The following STARD9 variants were observed in gnomAD, a reference collection of about 807,000 sequenced individuals.
The protein encoded by STARD9 is stAR-related lipid transfer protein 9.
STARD9 carries 346 observed loss-of-function variants against 399.8 expected under a neutral mutation model. The ratio of observed to expected loss-of-function variants is 0.87; its 90% CI spans 0.79 to 0.95. The LOEUF (loss-of-function observed/expected upper bound fraction) is 0.95. Among genes scored for constraint, STARD9 ranks in the 40% least tolerant of loss-of-function variants. STARD9 has a pLI of 0.00. For synonymous variants in STARD9, 2,203 were observed against 2,143.5 expected (o/e 1.03, Z -0.77); for missense variants, 5,832 against 5,667.5 (o/e 1.03, Z -0.93).
At chr15:42,715,617 C>T (rs1358712038) in intron 26 of STARD9, among the ~76,000 whole-genome samples, 1 of 151,388 alleles carries the variant, frequency 6.6e-6, no homozygotes, top group Admixed American at 6.6e-5. Context: ...GCGTCCTGGG[C>T]TCAAGCGATT....
At chr15:42,587,064 C>T (rs1354759489) in intron 3 of STARD9, among the ~76,000 whole-genome samples, 1 of 152,064 alleles carries the variant, frequency 6.6e-6, no homozygotes, top group Non-Finnish European at 1.5e-5. Context: ...TCATGTTGCC[C>T]AGGCTGGTCT....
chr15:42,598,566 C>T (rs1263937004), intron 3 of STARD9, among the ~76,000 whole-genome samples: 3 of 151,842 alleles, frequency 2.0e-5, no homozygotes, highest in Admixed American at 6.6e-5. Flanking sequence ...GATAACTATC[C>T]AGTTGTCTGA....
At position 42,685,749 on chromosome 15, in the gene STARD9, G is replaced by A. The variant is rs1235138729; in HGVS notation, c.4171G>A (p.Val1391Ile). 2.0e-6 allele frequency: 3 copies of A among 1,537,272 alleles called. No individual in the cohort carries two copies. The African/African-American group carries it at 4.1e-5, about 21-fold the overall frequency. The change falls in exon 23 of 33, where the codon GTT becomes ATT. Residue 1391 changes from valine (V) to isoleucine (I), a missense_variant. Val to Ile is a conservative substitution (Grantham distance 29). Around this residue, in one of 2 missense-constraint regions of STARD9, gnomAD observed 5,828 missense variants for 5,651.1 expected, o/e 1.03. Transcript: ENST00000290607. ...ACTAAAGCCATCAGATGCAGAAACG[G>A]TTCTGCCATATAGCTCCAAACTGCA... ...EELKPSDAET[V>I]LPYSSKLHQG... is the part of the protein sequence containing the mutation.
intron 3 of STARD9, among the ~76,000 whole-genome samples, chr15:42,610,111 A>T (rs2058818464): frequency 6.6e-6 from 1 of 152,176 alleles, no homozygotes; most frequent in Non-Finnish European, 1.5e-5. Flanking sequence ...AAAATAAAAA[A>T]TAAAGAAATG....
Position 42,690,692 on chromosome 15 carries a change from G to A in STARD9, c.9114G>A (p.Glu3038=), listed in dbSNP as rs1566944876. 6.5e-7 allele frequency: 1 copy of A among 1,537,088 alleles called. No individual in the cohort carries two copies. The highest frequency in any genetic ancestry group is 1.4e-5 in the African/African-American group (1 of 73,030). The change falls in exon 23 of 33, where the codon GAG becomes GAA. Residue 3038 remains glutamate, a synonymous_variant. Transcript: ENST00000290607. ...TTAACAGGGAATTTAGGCTAACAGA[G>A]AGCAGCACTTGTGAGCCTTCTACTG... is the stretch of plus-strand genomic sequence containing the variant. The part of the protein sequence containing the change: ...KDVNREFRLT[E]SSTCEPSTVA...
At chr15:42,628,358 A>G (rs1363767812) in intron 3 of STARD9, among the ~76,000 whole-genome samples, 1 of 152,176 alleles carries the variant, frequency 6.6e-6, no homozygotes, top group East Asian at 1.9e-4. Context: ...GTTTGCAGAT[A>G]TATTCGCCTG....
At position 42,712,111 on chromosome 15, in the gene STARD9, A is replaced by ATTAT. The variant is rs55808206; in HGVS notation, c.13285-4566_13285-4565insTTAT. 6.9e-3 allele frequency among the ~76,000 whole-genome samples: 22 copies of ATTAT among 3,180 alleles called. 6 individuals carry two copies. Among genetic ancestry groups the ATTAT allele is most frequent in the African/African-American group, 0.036 (19 of 526 alleles). The allele number at this position is 3,180 out of a possible 152,430, so 2.1% of individuals were successfully genotyped here. On this transcript the variant is annotated intron_variant, in intron 26 of 32. Coordinates refer to ENST00000290607, the MANE Select transcript of STARD9 (RefSeq NM_020759.3). The stretch of plus-strand genomic sequence containing the variant: ...TATATATATATAATATATAATATAT[A>ATTAT]ATATATAATATATATATAAATGTGC...
intron 4 of STARD9, among the ~76,000 whole-genome samples, chr15:42,636,219 C>A (rs1317518645): frequency 1.3e-5 from 2 of 152,080 alleles, no homozygotes; most frequent in African/African-American, 4.8e-5. Context: ...TGGCTTCAGC[C>A]TGGGAGGTTG....
At chr15:42,635,846 G>A (rs145962215) in intron 4 of STARD9, among the ~76,000 whole-genome samples, 26 of 152,308 alleles carry the variant, frequency 1.7e-4, no homozygotes, top group African/African-American at 5.5e-4. Flanking sequence ...AAGCCTACAT[G>A]TGTTAGATCT....
intron 16 of STARD9, chr15:42,670,983 G>A (rs2060191837): frequency 6.6e-6 from 1 of 152,060 alleles, no homozygotes; most frequent in South Asian, 2.1e-4. Context: ...TCTGATATAT[G>A]GATTGGATGT....
intron 3 of STARD9, among the ~76,000 whole-genome samples, chr15:42,610,568 G>A (rs1468039322): frequency 6.6e-6 from 1 of 151,918 alleles, no homozygotes; most frequent in Non-Finnish European, 1.5e-5. Flanking sequence ...CTTTTTTTAA[G>A]ACAGAGTCTC....
chr15:42,664,823 C>CAT (rs1555399998), intron 13 of STARD9, among the ~76,000 whole-genome samples: 5 of 151,588 alleles, frequency 3.3e-5, no homozygotes, highest in African/African-American at 1.2e-4. Flanking sequence ...CACACACACA[C>CAT]ACCCCATACG....
chr15:42,712,525 T>TATGGG (rs1194518180), intron 26 of STARD9, among the ~76,000 whole-genome samples: 1 of 152,172 alleles, frequency 6.6e-6, no homozygotes, highest in African/African-American at 2.4e-5. Context: ...ATTTCATTCT[T>TATGGG]TTCCATATGG....
intron 3 of STARD9, among the ~76,000 whole-genome samples, chr15:42,609,340 G>A (rs368407850): frequency 6.6e-6 from 1 of 152,130 alleles, no homozygotes; most frequent in African/African-American, 2.4e-5. Flanking sequence ...GGCTCAGTCA[G>A]TGTGTCATGA....
intron 20 of STARD9, among the ~76,000 whole-genome samples, chr15:42,679,355 C>A (rs1241326399): frequency 6.6e-6 from 1 of 152,170 alleles, no homozygotes; most frequent in Admixed American, 6.5e-5. Flanking sequence ...AGAGAGTAAC[C>A]TTCCTCTTTC....
chr15:42,719,193 TGAGTCATTGTGAGGCAAAAGCAGC>T (rs1264697761), intron 32 of STARD9, among the ~76,000 whole-genome samples: 3 of 152,176 alleles, frequency 2.0e-5, no homozygotes, highest in Non-Finnish European at 2.9e-5. Flanking sequence ...AGGAGATAGA[TGAGTCATTGTGAGGCAAAAGCAGC>T]AGCCTCAGCA....
chr15:42,692,309 A>G lies in STARD9; in HGVS notation c.10731A>G (p.Gly3577=). 6.5e-7 allele frequency: 1 copy of G among 1,537,046 alleles called. No homozygotes were observed. ...GDPHIPTSPE[G]VAPTSGHDRR... is the part of the protein sequence containing the mutation. ...CCCACATCCCGACGAGCCCTGAAGGAGTAGCCCCCACTTCGGGTCATGACA... is the reference window on the plus strand; with the variant it reads ...CCCACATCCCGACGAGCCCTGAAGGGGTAGCCCCCACTTCGGGTCATGACA... Residue 3577 remains glycine (G), a synonymous_variant, in exon 23 of 33, where the codon GGA becomes GGG. Transcript: ENST00000290607.
rs1426059979 is a variant in STARD9, at chr15:42,692,540, T to C, written c.10962T>C (p.Thr3654=). ...TLGSRRHWSS[T]DISFAQPEAS... is the part of the protein sequence containing the mutation. Reference sequence around the variant, plus strand: ...GCAGCAGGCGCCACTGGAGCAGCACTGACATCTCCTTTGCTCAGCCTGAAG... The same window carrying C: ...GCAGCAGGCGCCACTGGAGCAGCACCGACATCTCCTTTGCTCAGCCTGAAG... Residue 3654 remains threonine (T), a synonymous_variant, in exon 23 of 33, where the codon ACT becomes ACC. Transcript: ENST00000290607. The C allele has an allele frequency of 6.5e-7, 1 of 1,537,208 alleles. No individual in the cohort carries two copies. Among genetic ancestry groups the C allele is most frequent in the Non-Finnish European group, 8.7e-7 (1 of 1,146,920 alleles).
Position 42,684,656 on chromosome 15 carries a change from G to C in STARD9, c.3078G>C (p.Lys1026Asn), listed in dbSNP as rs758900582. The change falls in exon 23 of 33, where the codon AAG (lysine) becomes AAC (asparagine). Residue 1026 changes from lysine (K) to asparagine (N), a missense_variant. By Grantham distance (94) the Lys-to-Asn change is moderately conservative. Transcript: ENST00000290607. ...CTGCTGGGCACGGAAAGGCAGTCAA[G>C]ACTTTTTGGACAGAATACAAACCAC... is the stretch of plus-strand genomic sequence containing the variant. ...RQTAGHGKAV[K>N]TFWTEYKPPS... 2 of 1,537,158 alleles carry C rather than the reference G, an allele frequency of 1.3e-6. No individual in the cohort carries two copies. Among genetic ancestry groups the C allele is most frequent in the South Asian group, 1.2e-5 (1 of 84,058 alleles).
Sources: allele counts gnomAD v4.1 joint callset (sites outside exome capture counted in the v4.1 genomes callset), GRCh38; gene constraint gnomAD v4.1.1; regional missense constraint gnomAD v4.1.1; transcripts MANE v1.5; gene names NCBI Gene and HGNC (gene_info 2026-07-23, HGNC 2026-07-21).